SNX24: variants seen among roughly 807,000 people sequenced by gnomAD.
SNX24 encodes the protein sorting nexin-24.
Under a neutral mutation model 28.7 loss-of-function variants are expected in SNX24, and 22 were observed. The ratio of observed to expected loss-of-function variants is 0.77; its 90% CI spans 0.55 to 1.10. SNX24 has a LOEUF of 1.10. SNX24 is among the 50% of genes least tolerant of loss of function. The probability of loss-of-function intolerance (pLI) is 0.00; values close to 1 mark genes in which losing one functional copy is unlikely to be tolerated. For synonymous variants in SNX24, 69 were observed against 71.5 expected (o/e 0.96, Z 0.18); for missense variants, 221 against 201.1 (o/e 1.10, Z -0.60).
At chr5:122,880,981 C>CAG in intron 1 of SNX24, among the ~76,000 whole-genome samples, 1 of 152,222 alleles carries the variant, frequency 6.6e-6, no homozygotes, top group South Asian at 2.1e-4. Context: ...CCCTGAAACA[C>CAG]ATTCTGTGGT....
intron 1 of SNX24, among the ~76,000 whole-genome samples, chr5:122,864,006 A>G (rs144366727): frequency 6.6e-6 from 1 of 152,332 alleles, no homozygotes; most frequent in Non-Finnish European, 1.5e-5. Context: ...TGTGCCAGGA[A>G]CTGTTCTAGA....
At chr5:122,926,355 G>T (rs1294299583) in intron 1 of SNX24, among the ~76,000 whole-genome samples, 2 of 152,108 alleles carry the variant, frequency 1.3e-5, no homozygotes, top group Non-Finnish European at 2.9e-5. Context: ...GGGCCACTTT[G>T]GCTGCTGTGA....
intron 1 of SNX24, among the ~76,000 whole-genome samples, chr5:122,905,938 C>T (rs1184751043): frequency 6.6e-6 from 1 of 152,152 alleles, no homozygotes; most frequent in Non-Finnish European, 1.5e-5. Context: ...CAGTTAAGTA[C>T]CTACTATGTG....
intron 3 of SNX24, among the ~76,000 whole-genome samples, chr5:122,999,706 A>G (rs1427178994): frequency 6.6e-6 from 1 of 152,154 alleles, no homozygotes; most frequent in Admixed American, 6.5e-5. Context: ...AAGAACAGAT[A>G]AACTGCAGGA....
chr5:122,964,696 A>G (rs543425152), intron 3 of SNX24, among the ~76,000 whole-genome samples: 4 of 152,290 alleles, frequency 2.6e-5, no homozygotes, highest in South Asian at 4.1e-4. Context: ...TCAGATTCCT[A>G]TCATACGGCT....
chr5:123,019,889 T>C (rs1762737793), intron 5 of SNX24, among the ~76,000 whole-genome samples: 1 of 152,266 alleles, frequency 6.6e-6, no homozygotes, highest in Admixed American at 6.5e-5. Flanking sequence ...GTATGAGGCC[T>C]GACCCTTGGT....
At chr5:122,918,681 T>C (rs1010387570) in intron 1 of SNX24, among the ~76,000 whole-genome samples, 7 of 152,126 alleles carry the variant, frequency 4.6e-5, no homozygotes, top group African/African-American at 1.7e-4. Context: ...GAGTATGTGG[T>C]GATGATCTAA....
chr5:122,905,480 C>T (rs1292136563), intron 1 of SNX24, among the ~76,000 whole-genome samples: 1 of 152,140 alleles, frequency 6.6e-6, no homozygotes. Flanking sequence ...ACAGGTTGAG[C>T]ATCCCAAATT....
chr5:122,876,994 C>T (rs1329303383), intron 1 of SNX24, among the ~76,000 whole-genome samples: 1 of 152,198 alleles, frequency 6.6e-6, no homozygotes, highest in Non-Finnish European at 1.5e-5. Context: ...ATACATGGGG[C>T]AGAGCCACAT....
chr5:122,886,328 T>C (rs551181875), intron 1 of SNX24, among the ~76,000 whole-genome samples: 1 of 152,350 alleles, frequency 6.6e-6, no homozygotes, highest in South Asian at 2.1e-4. Flanking sequence ...TACATTTCTG[T>C]CATCTTAATT....
chr5:122,871,262 T>C (rs546689696), intron 1 of SNX24, among the ~76,000 whole-genome samples: 1 of 152,212 alleles, frequency 6.6e-6, no homozygotes, highest in East Asian at 1.9e-4. Flanking sequence ...GCTCTGGTAC[T>C]GTTTAAAAAC....
intron 5 of SNX24, among the ~76,000 whole-genome samples, chr5:123,021,220 G>A (rs529691421): frequency 6.6e-6 from 1 of 151,482 alleles, no homozygotes; most frequent in Non-Finnish European, 1.5e-5. Context: ...CTGATGTTGT[G>A]TTATATATTC....
In SNX24 at chr5:123,008,978, A is replaced by G. The variant is rs79143241; in HGVS notation, c.*1229A>G. 4.4e-4 allele frequency: 433 copies of G among 985,776 alleles called. No individual in the cohort carries two copies. In the African/African-American group the frequency reaches 7.0e-3, roughly 16 times the overall value. 61.1% of individuals were successfully genotyped at this position (985,776 alleles called of 1,614,324 possible). On this transcript the variant is annotated 3_prime_UTR_variant, in exon 7 of 7. Coordinates refer to ENST00000261369, the MANE Select transcript of SNX24 (RefSeq NM_014035.4). ...GTGGGAGCAAGGTATTTAAAATCAAAACTAATAACTACATCATGGTTTTTG... is the reference window on the plus strand; with the variant it reads ...GTGGGAGCAAGGTATTTAAAATCAAGACTAATAACTACATCATGGTTTTTG...
chr5:122,994,363 A>G (rs1761976686), intron 3 of SNX24, among the ~76,000 whole-genome samples: 1 of 152,212 alleles, frequency 6.6e-6, no homozygotes, highest in Non-Finnish European at 1.5e-5. Context: ...GGACGGCGTT[A>G]TCCTGTGATA....
intron 4 of SNX24, among the ~76,000 whole-genome samples, chr5:123,000,293 T>A (rs1158860162): frequency 6.6e-6 from 1 of 152,250 alleles, no homozygotes; most frequent in East Asian, 1.9e-4. Flanking sequence ...TGATGGGAAT[T>A]ATGAATCTAA....
intron 1 of SNX24, among the ~76,000 whole-genome samples, chr5:122,917,937 G>A (rs538759258): frequency 1.1e-4 from 16 of 152,084 alleles, no homozygotes; most frequent in African/African-American, 3.4e-4. Context: ...AAAATTAGCC[G>A]GGCATGGTGG....
intron 1 of SNX24, among the ~76,000 whole-genome samples, chr5:122,872,910 G>A (rs373623463): frequency 2.0e-5 from 3 of 151,656 alleles, no homozygotes; most frequent in South Asian, 2.1e-4. Flanking sequence ...ATCAGTGTTC[G>A]TTCAGGTTCA....
At position 122,936,904 on chromosome 5, in the gene SNX24, A is replaced by G. The variant is rs1331038819; in HGVS notation, c.144+87A>G. 3 of 700,704 alleles carry G rather than the reference A, an allele frequency of 4.3e-6. No individual in the cohort carries two copies. In the African/African-American group the frequency reaches 5.4e-5, roughly 13 times the overall value. 43.4% of individuals were successfully genotyped at this position (700,704 alleles called of 1,614,324 possible). A position where few individuals can be genotyped will look rare whatever the true frequency, so the allele number is the denominator to read the frequency against. ...CACTCCTTTCTGTGGTTCTAAGACCATTGATATTTCTTGTGTATGTATATA... is the reference window on the plus strand; with the variant it reads ...CACTCCTTTCTGTGGTTCTAAGACCGTTGATATTTCTTGTGTATGTATATA... On this transcript the variant is annotated intron_variant, in intron 2 of 6. Transcript: ENST00000261369.
chr5:122,850,252 G>T lies in SNX24; in HGVS notation c.60+4559G>T, dbSNP rs562009074. Among the ~76,000 whole-genome samples the T allele has an allele frequency of 2.6e-5, 4 of 152,258 alleles. No individual in the cohort carries two copies. The South Asian group carries it at 8.3e-4, about 32-fold the overall frequency. On this transcript the variant is annotated intron_variant, in intron 1 of 6. Transcript: ENST00000261369. Reference sequence around the variant, plus strand: ...GCTAGCAGATTCAGTGTCTAGCGAGGGTCCATTTCCAGGTTTGTAGGTGAT... The same window carrying T: ...GCTAGCAGATTCAGTGTCTAGCGAGTGTCCATTTCCAGGTTTGTAGGTGAT...
Sources: gnomAD v4.1 joint callset for allele counts (sites outside exome capture counted in the v4.1 genomes callset) on GRCh38, gnomAD v4.1.1 for gene constraint, MANE v1.5 for transcripts, NCBI Gene and HGNC (gene_info 2026-07-23, HGNC 2026-07-21) for gene names.